The following SLC22A9 variants were observed in gnomAD, a reference collection of about 807,000 sequenced individuals.
SLC22A9 encodes organic anion transporter 7.
SLC22A9 carries 64 observed loss-of-function variants against 50.1 expected under a neutral mutation model. The observed-to-expected ratio is 1.28, with a 90% CI of 1.04 to 1.57. The LOEUF is 1.57. Ranked by LOEUF, SLC22A9 falls within the 40% of genes most tolerant of loss-of-function variation. The pLI is 0.00. For missense variants in SLC22A9, 757 were observed against 676.1 expected (o/e 1.12, Z -1.33); for synonymous variants, 261 against 242.5 (o/e 1.08, Z -0.71).
rs1044642432 is a variant in SLC22A9, at chr11:63,371,323, A to C, written c.506+85A>C. 3.5e-5 allele frequency: 38 copies of C among 1,098,604 alleles called. No homozygotes were observed. In the African/African-American group the frequency reaches 5.7e-4, roughly 16 times the overall value. The allele number at this position is 1,098,604 out of a possible 1,614,324, so 68.1% of individuals were successfully genotyped here. On this transcript the variant is annotated intron_variant, in intron 2 of 9. Coordinates refer to ENST00000279178, the MANE Select transcript of SLC22A9 (RefSeq NM_080866.3). ...TATTTCATCTAGAATTACTTACTGCAAATTACATTCTCCTGAGGCTGCCCT... is the reference window on the plus strand; with the variant it reads ...TATTTCATCTAGAATTACTTACTGCCAATTACATTCTCCTGAGGCTGCCCT...
intron 6 of SLC22A9, among the ~76,000 whole-genome samples, chr11:63,403,828 TC>T (rs1261448419): frequency 2.4e-4 from 36 of 151,578 alleles, no homozygotes; most frequent in African/African-American, 8.2e-4. Context: ...AATAAATCAA[TC>T]AATCAATCAA....
intron 5 of SLC22A9, among the ~76,000 whole-genome samples, chr11:63,376,758 T>A (rs371957823): frequency 1.3e-5 from 2 of 150,766 alleles, no homozygotes; most frequent in Non-Finnish European, 3.0e-5. Context: ...GAGTGACAAG[T>A]TGGATTAAAA....
In SLC22A9 at chr11:63,408,224, C is replaced by T; in HGVS notation, c.1397+4C>T. The T allele has an allele frequency of 6.2e-7, 1 of 1,611,156 alleles. No homozygotes were observed. On this transcript the variant is annotated splice_donor_region_variant and intron_variant, in intron 8 of 9. Transcript: ENST00000279178. ...AAGTAATTCCCACCATAATCAGGTA[C>T]AGAACCTTAAGTATGCCCTGTCAGG...
At chr11:63,373,406 T>C (rs78050139) in intron 2 of SLC22A9, among the ~76,000 whole-genome samples, 2,501 of 152,278 alleles carry the variant, frequency 0.016, 67 homozygotes, top group African/African-American at 0.057. Flanking sequence ...GTGGTTTCAA[T>C]TGGTGTCAAA....
chr11:63,370,773 C>G (rs957401873), intron 1 of SLC22A9, among the ~76,000 whole-genome samples: 4 of 152,250 alleles, frequency 2.6e-5, no homozygotes, highest in Non-Finnish European at 5.9e-5. Flanking sequence ...TTAGAAATAT[C>G]TGGGAAATTG....
intron 6 of SLC22A9, among the ~76,000 whole-genome samples, chr11:63,400,269 A>C (rs1403221645): frequency 6.6e-6 from 1 of 152,074 alleles, no homozygotes; most frequent in Non-Finnish European, 1.5e-5. Flanking sequence ...CTTTATGCAA[A>C]CTAAGAAAAA....
intron 6 of SLC22A9, among the ~76,000 whole-genome samples, chr11:63,396,570 C>T (rs1022043754): frequency 1.2e-4 from 19 of 152,134 alleles, no homozygotes; most frequent in South Asian, 2.1e-4. Flanking sequence ...CAGGAGCAGT[C>T]GGCTTCCTCC....
At chr11:63,370,582 C>G in intron 1 of SLC22A9, 124 bp downstream of exon 1, 7 of 1,100,688 alleles carry the variant, frequency 6.4e-6, no homozygotes, top group South Asian at 2.1e-5. Context: ...TCAGCAAATA[C>G]TAATTGCTTC....
intron 4 of SLC22A9, among the ~76,000 whole-genome samples, chr11:63,374,852 T>G (rs918337739): frequency 4.0e-5 from 6 of 151,874 alleles, no homozygotes; most frequent in Non-Finnish European, 7.4e-5. Flanking sequence ...AAGAGCTGCA[T>G]GGTTTCTTCA....
intron 5 of SLC22A9, among the ~76,000 whole-genome samples, chr11:63,377,263 A>G (rs2014478139): frequency 6.6e-6 from 1 of 152,088 alleles, no homozygotes; most frequent in Admixed American, 6.6e-5. Flanking sequence ...TCCTCTGCAC[A>G]TGACACATGC....
chr11:63,387,971 C>T (rs2014698287), intron 6 of SLC22A9, among the ~76,000 whole-genome samples: 1 of 151,926 alleles, frequency 6.6e-6, no homozygotes, highest in Non-Finnish European at 1.5e-5. Flanking sequence ...TATAGAAATG[C>T]TATTGATTTT....
At chr11:63,389,940 A>G (rs526686) in intron 6 of SLC22A9, among the ~76,000 whole-genome samples, 101,091 of 152,092 alleles carry the variant, frequency 0.66, 33,734 homozygotes, top group Non-Finnish European at 0.7. Flanking sequence ...CAGTGATGAT[A>G]AGCTTTTTTT....
chr11:63,385,293 T>C (rs1244116769), intron 6 of SLC22A9, among the ~76,000 whole-genome samples: 1 of 151,976 alleles, frequency 6.6e-6, no homozygotes, highest in Non-Finnish European at 1.5e-5. Context: ...TTTCATTCCA[T>C]ATAAATTTTA....
intron 6 of SLC22A9, among the ~76,000 whole-genome samples, chr11:63,397,214 C>T (rs1419242235): frequency 6.6e-6 from 1 of 152,178 alleles, no homozygotes; most frequent in African/African-American, 2.4e-5. Context: ...TCTTCCCTTA[C>T]TTTCTCTGAA....
intron 6 of SLC22A9, among the ~76,000 whole-genome samples, chr11:63,396,679 G>A (rs978789608): frequency 3.9e-5 from 6 of 152,072 alleles, no homozygotes; most frequent in African/African-American, 1.4e-4. Context: ...CACTTCAATT[G>A]CATTTTCAAC....
Position 63,370,118 on chromosome 11 carries a change from C to G in SLC22A9, c.62C>G (p.Thr21Ser), listed in dbSNP as rs142245252. Residue 21 changes from threonine to serine, a missense_variant, in exon 1 of 10, where the codon ACT becomes AGT. By Grantham distance (58) the Thr-to-Ser change is moderately conservative. Coordinates refer to ENST00000279178, the MANE Select transcript of SLC22A9 (RefSeq NM_080866.3). ...GDLWRFQILQ[T>S]VFLSIFAVAT... ...CTGTGGAGATTCCAGATCCTTCAGA[C>G]TGTTTTTCTCTCAATCTTTGCTGTT... 6.2e-7 allele frequency: 1 copy of G among 1,614,030 alleles called. No homozygotes were observed. The highest frequency in any genetic ancestry group is 1.3e-5 in the African/African-American group (1 of 75,042).
At position 63,373,690 on chromosome 11, in the gene SLC22A9, A is replaced by T. The variant is rs1345705584; in HGVS notation, c.553A>T (p.Ile185Phe). 2 of 1,605,896 alleles carry T rather than the reference A, an allele frequency of 1.2e-6. No individual in the cohort carries two copies. The highest frequency in any genetic ancestry group is 1.1e-5 in the South Asian group (1 of 89,338). The change falls in exon 3 of 10, where the codon ATT becomes TTT. Residue 185 changes from isoleucine (I) to phenylalanine (F), a missense_variant. Coordinates refer to ENST00000279178, the MANE Select transcript of SLC22A9 (RefSeq NM_080866.3). ...VLRWCYLQVA[I>F]VGTCAALAPT... Reference sequence around the variant, plus strand: ...CAGATGGTGTTACCTCCAGGTTGCCATTGTTGGCACCTGTGCAGCCTTGGC... The same window carrying T: ...CAGATGGTGTTACCTCCAGGTTGCCTTTGTTGGCACCTGTGCAGCCTTGGC...
Position 63,410,257 on chromosome 11 carries a change from A to AAAAAAAAAAAAAAAAAAAAAGAAGGAAAG in SLC22A9, c.*398_*399insAAAAAAAAAAAAAAAAAGAAGGAAAGAAA. 9.2e-6 allele frequency: 1 copy of AAAAAAAAAAAAAAAAAAAAAGAAGGAAAG among 108,466 alleles called. No homozygotes were observed. Among genetic ancestry groups the AAAAAAAAAAAAAAAAAAAAAGAAGGAAAG allele is most frequent in the African/African-American group, 4.4e-5 (1 of 22,618 alleles). 6.7% of individuals were successfully genotyped at this position (108,466 alleles called of 1,614,324 possible). On this transcript the variant is annotated 3_prime_UTR_variant, in exon 10 of 10. Transcript: ENST00000279178. ...CTGTCTCAAAAAAAAAAAAAAAAAAAAAAGAAAGAAGGAAAGAAAGAAAGA... is the reference window on the plus strand; with the variant it reads ...CTGTCTCAAAAAAAAAAAAAAAAAAAAAAAAAAAAAAAAAAAAAAAGAAGGAAAGAAAGAAAGAAGGAAAGAAAGAAAGA...
chr11:63,387,155 A>C (rs2014684077), intron 6 of SLC22A9, among the ~76,000 whole-genome samples: 1 of 152,010 alleles, frequency 6.6e-6, no homozygotes, highest in African/African-American at 2.4e-5. Context: ...ATATAATCCC[A>C]TTTGTTCACT....
Sources: gnomAD v4.1 joint callset for allele counts (sites outside exome capture counted in the v4.1 genomes callset) on GRCh38, gnomAD v4.1.1 for gene constraint, MANE v1.5 for transcripts, NCBI Gene and HGNC (gene_info 2026-07-23, HGNC 2026-07-21) for gene names.